EXOC4: variants seen among roughly 807,000 people sequenced by gnomAD.
The protein encoded by EXOC4 is SEC8-like 1.
EXOC4 carries 71 observed loss-of-function variants against 107.2 expected under a neutral mutation model. That is an observed-to-expected ratio of 0.66 (90% CI 0.55 to 0.81). EXOC4 has a LOEUF of 0.81. EXOC4 is among the 30% of genes least tolerant of loss of function. EXOC4 has a pLI of 0.00. For missense variants in EXOC4, 1,108 were observed against 1,189.6 expected (o/e 0.93, Z 1.01); for synonymous variants, 456 against 441.2 (o/e 1.03, Z -0.42).
intron 9 of EXOC4, among the ~76,000 whole-genome samples, chr7:133,550,220 C>T (rs1474957123): frequency 1.3e-5 from 2 of 152,014 alleles, no homozygotes; most frequent in East Asian, 1.9e-4. Context: ...GAGCAGGCAC[C>T]GTGTCTCCTT....
At chr7:133,257,240 G>GTT (rs1795039291) in intron 1 of EXOC4, among the ~76,000 whole-genome samples, 1 of 151,934 alleles carries the variant, frequency 6.6e-6, no homozygotes, top group African/African-American at 2.4e-5. Flanking sequence ...GAACTAACCG[G>GTT]GGGGGACAGA....
At position 133,541,675 on chromosome 7, in the gene EXOC4, A is replaced by AT. The variant is rs373858010; in HGVS notation, c.1417+61547dup. On this transcript the variant is annotated intron_variant, in intron 9 of 17. Coordinates refer to ENST00000253861, the MANE Select transcript of EXOC4 (RefSeq NM_021807.4). ...CCACCATGCGTGGCTAATTTTTTGT[A>AT]TTTTTTTTTTGTAGACATGGGGGTC... Among the ~76,000 whole-genome samples, 567 of 147,430 alleles carry AT rather than the reference A, an allele frequency of 3.8e-3. 8 individuals are homozygous for AT. In the East Asian group the frequency reaches 0.05, roughly 13 times the overall value.
At chr7:133,572,031 G>A (rs1171012289) in intron 9 of EXOC4, among the ~76,000 whole-genome samples, 1 of 152,182 alleles carries the variant, frequency 6.6e-6, no homozygotes, top group African/African-American at 2.4e-5. Context: ...TATTTGCTGG[G>A]AAGGTAGGCA....
At chr7:133,886,160 A>G (rs1490014589) in intron 11 of EXOC4, among the ~76,000 whole-genome samples, 2 of 152,206 alleles carry the variant, frequency 1.3e-5, no homozygotes, top group African/African-American at 2.4e-5. Flanking sequence ...CATTACTTTG[A>G]TAGTTAAGGG....
intron 11 of EXOC4, among the ~76,000 whole-genome samples, chr7:133,825,142 G>A (rs1797669952): frequency 6.6e-6 from 1 of 150,686 alleles, no homozygotes; most frequent in Non-Finnish European, 1.5e-5. Context: ...TTGAGGCCAG[G>A]AATTCGAGAC....
intron 7 of EXOC4, among the ~76,000 whole-genome samples, chr7:133,458,129 A>G (rs1055411283): frequency 2.0e-5 from 3 of 152,160 alleles, no homozygotes; most frequent in Admixed American, 2.0e-4. Context: ...TGAGTTCTGT[A>G]GTTATTTTGT....
chr7:133,863,524 G>A (rs936346412), intron 11 of EXOC4, among the ~76,000 whole-genome samples: 2 of 152,134 alleles, frequency 1.3e-5, no homozygotes, highest in Admixed American at 6.5e-5. Context: ...GTCAGAGCAG[G>A]GATTACCTTT....
At chr7:133,972,521 T>C (rs1449486456) in intron 14 of EXOC4, among the ~76,000 whole-genome samples, 1 of 152,218 alleles carries the variant, frequency 6.6e-6, no homozygotes, top group Non-Finnish European at 1.5e-5. Flanking sequence ...CTAATACAAA[T>C]AGGTATAATG....
intron 9 of EXOC4, among the ~76,000 whole-genome samples, chr7:133,538,955 T>A (rs1584985279): frequency 2.9e-4 from 1 of 3,492 alleles, no homozygotes; most frequent in South Asian, 0.029. Context: ...GTGAAATAGC[T>A]TGGGTTTTTT....
intron 9 of EXOC4, among the ~76,000 whole-genome samples, chr7:133,486,176 TG>T (rs1246726972): frequency 6.6e-6 from 1 of 152,178 alleles, no homozygotes; most frequent in African/African-American, 2.4e-5. Context: ...GCTCTTATAC[TG>T]GCCTAACCTG....
At chr7:133,516,772 TACAGA>T (rs1799884875) in intron 9 of EXOC4, among the ~76,000 whole-genome samples, 7 of 146,300 alleles carry the variant, frequency 4.8e-5, no homozygotes, top group Admixed American at 6.9e-5. Context: ...TTTTTTTTTT[TACAGA>T]ATTTATACCA....
chr7:133,849,946 A>G (rs933062842), intron 11 of EXOC4, among the ~76,000 whole-genome samples: 7 of 152,248 alleles, frequency 4.6e-5, no homozygotes, highest in Admixed American at 4.6e-4. Flanking sequence ...ACTTCAGCAT[A>G]TGAAATATTA....
At chr7:133,260,637 AC>A (rs1260450763) in intron 1 of EXOC4, among the ~76,000 whole-genome samples, 3 of 152,192 alleles carry the variant, frequency 2.0e-5, no homozygotes. Flanking sequence ...GCATTTTCTT[AC>A]AAATTTTAGA....
At chr7:133,625,572 G>T (rs932907300) in intron 9 of EXOC4, among the ~76,000 whole-genome samples, 1 of 152,026 alleles carries the variant, frequency 6.6e-6, no homozygotes, top group Admixed American at 6.6e-5. Context: ...ACTCTAGTTG[G>T]GTAGAATCAA....
At position 133,737,909 on chromosome 7, in the gene EXOC4, C is replaced by CTT. The variant is rs10673346; in HGVS notation, c.1515-79397_1515-79396dup. Among the ~76,000 whole-genome samples, 311 of 89,298 alleles carry CTT rather than the reference C, an allele frequency of 3.5e-3. 14 individuals carry two copies. The highest frequency in any genetic ancestry group is 9.7e-3 in the African/African-American group (226 of 23,244). The allele number at this position is 89,298 out of a possible 152,430, so 58.6% of individuals were successfully genotyped here. ...TTTTTGTGCCTCTTGATTTTTCTTTCTTTTTTTTTTTTTTTTTTTTGAGAC... is the reference window on the plus strand; with the variant it reads ...TTTTTGTGCCTCTTGATTTTTCTTTCTTTTTTTTTTTTTTTTTTTTTTGAGAC... On this transcript the variant is annotated intron_variant, in intron 10 of 17. Coordinates refer to ENST00000253861, the MANE Select transcript of EXOC4 (RefSeq NM_021807.4).
rs1584881368 is a variant in EXOC4 at position 133,394,358 on chromosome 7, T to G, written c.1182+19356T>G. Among the ~76,000 whole-genome samples the G allele has an allele frequency of 3.3e-5, 5 of 152,358 alleles. No homozygotes were observed. In the South Asian group the frequency reaches 1.0e-3, roughly 32 times the overall value. On this transcript the variant is annotated intron_variant, in intron 7 of 17. Coordinates refer to ENST00000253861, the MANE Select transcript of EXOC4 (RefSeq NM_021807.4). ...TCCTTCATGTCTTGCTAGTGAAATG[T>G]ACTTGCTGCAAATTAAATCCATTTC...
At chr7:133,588,810 G>A (rs763361084) in intron 9 of EXOC4, among the ~76,000 whole-genome samples, 1 of 152,204 alleles carries the variant, frequency 6.6e-6, no homozygotes, top group East Asian at 1.9e-4. Context: ...CCAGGAGCTG[G>A]AGGTTGTAGT....
At chr7:133,684,739 A>T (rs1047894697) in intron 10 of EXOC4, among the ~76,000 whole-genome samples, 1 of 152,178 alleles carries the variant, frequency 6.6e-6, no homozygotes, top group Non-Finnish European at 1.5e-5. Flanking sequence ...AATAAAGAGG[A>T]AACTAAAAAC....
At chr7:133,447,826 G>C (rs772516717) in intron 7 of EXOC4, among the ~76,000 whole-genome samples, 7 of 152,058 alleles carry the variant, frequency 4.6e-5, no homozygotes, top group Non-Finnish European at 1.0e-4. Context: ...ATGGATGAGA[G>C]AAGAGTTAAT....
Sources: gnomAD v4.1 joint callset for allele counts (sites outside exome capture counted in the v4.1 genomes callset) on GRCh38, gnomAD v4.1.1 for gene constraint, MANE v1.5 for transcripts, NCBI Gene and HGNC (gene_info 2026-07-23, HGNC 2026-07-21) for gene names.